Variants in AXIN1 observed in about 807,000 individuals in gnomAD.
AXIN1 encodes axin 1, also known as axin-1.
In AXIN1, 30 loss-of-function variants were observed where a neutral mutation model predicts 76.4. The ratio of observed to expected loss-of-function variants is 0.39; its 90% CI spans 0.29 to 0.53. The LOEUF (loss-of-function observed/expected upper bound fraction) is 0.53. Ranked by LOEUF, AXIN1 falls within the 20% of genes least tolerant of loss-of-function variation. AXIN1 has a pLI of 0.66. For synonymous variants in AXIN1, 545 were observed against 501.4 expected (o/e 1.09, Z -1.16); for missense variants, 1,140 against 1,198.8 (o/e 0.95, Z 0.72).
In AXIN1 at chr16:351,132, C is replaced by CAAAAAAAAA. The variant is rs71391129; in HGVS notation, c.-82+1228_-82+1236dup. ...GGGCAACAAGAGCAAAACTCTGTCT[C>CAAAAAAAAA]AAAAAAAAAAAAAAACTGAAACCGA... is the stretch of plus-strand genomic sequence containing the variant. On this transcript the variant is annotated intron_variant, in intron 1 of 10. Coordinates refer to ENST00000262320, the MANE Select transcript of AXIN1 (RefSeq NM_003502.4). Among the ~76,000 whole-genome samples, 23 of 111,540 alleles carry CAAAAAAAAA rather than the reference C, an allele frequency of 2.1e-4. 1 individual carries two copies. Among genetic ancestry groups the CAAAAAAAAA allele is most frequent in the Admixed American group, 3.8e-4 (4 of 10,554 alleles). The allele number at this position is 111,540 out of a possible 152,430, so 73.2% of individuals were successfully genotyped here.
rs1006625651 is a variant in AXIN1, at chr16:318,841, T to C, written c.879-4158A>G. Among the ~76,000 whole-genome samples, 11 of 152,148 alleles carry C rather than the reference T, an allele frequency of 7.2e-5. No individual in the cohort carries two copies. In the East Asian group the frequency reaches 1.2e-3, roughly 16 times the overall value. On this transcript the variant is annotated intron_variant, in intron 2 of 10. Transcript: ENST00000262320. ...GACCCCTGGCTGTGTGCGGTGAGAA[T>C]GCGGCTGGGGCCTTGGTGAGAGCGG...
chr16:294,484 A>AG (rs2052654238), intron 7 of AXIN1, among the ~76,000 whole-genome samples: 1 of 131,068 alleles, frequency 7.6e-6, no homozygotes, highest in Admixed American at 7.7e-5. Context: ...AAAAAAAAAA[A>AG]TGGCCAGGCG....
chr16:310,250 T>C (rs1304494652), intron 3 of AXIN1, among the ~76,000 whole-genome samples, 181 bp from the exon 4 acceptor site: 1 of 152,126 alleles, frequency 6.6e-6, no homozygotes, highest in African/African-American at 2.4e-5. Context: ...CAGGGGAACA[T>C]GTACACACAA....
At chr16:289,230 T>C (rs982407876) in intron 10 of AXIN1, among the ~76,000 whole-genome samples, 2 of 152,016 alleles carry the variant, frequency 1.3e-5, no homozygotes, top group African/African-American at 4.8e-5. Flanking sequence ...ACCTGGCTAA[T>C]TTCTTTAGTA....
intron 1 of AXIN1, among the ~76,000 whole-genome samples, chr16:351,100 C>A (rs1182563607): frequency 6.9e-6 from 1 of 144,562 alleles, no homozygotes; most frequent in Non-Finnish European, 1.5e-5. Flanking sequence ...CCATTGGACT[C>A]CAGCCTGGGC....
In AXIN1 at chr16:287,986, C is replaced by T. The variant is rs183441653; in HGVS notation, c.*136G>A. 6.1e-5 allele frequency: 89 copies of T among 1,467,496 alleles called. No homozygotes were observed. The highest frequency in any genetic ancestry group is 5.7e-4 in the African/African-American group (41 of 72,248). The allele number at this position is 1,467,496 out of a possible 1,614,324, so 90.9% of individuals were successfully genotyped here. On this transcript the variant is annotated 3_prime_UTR_variant, in exon 11 of 11. Transcript: ENST00000262320. ...GGGACCCCCTACCTGCCTCTAGACACGGGTAGACCACAGGGATGGGTGGTA... is the reference window on the plus strand; with the variant it reads ...GGGACCCCCTACCTGCCTCTAGACATGGGTAGACCACAGGGATGGGTGGTA...
Position 352,356 on chromosome 16 carries a change from C to G in AXIN1, c.-82+13G>C. The G allele has an allele frequency of 1.0e-6, 1 of 980,658 alleles. No individual in the cohort carries two copies. Among genetic ancestry groups the G allele is most frequent in the Non-Finnish European group, 1.2e-6 (1 of 827,926 alleles). The allele number at this position is 980,658 out of a possible 1,614,324, so 60.7% of individuals were successfully genotyped here. A position where few individuals can be genotyped will look rare whatever the true frequency, so the allele number is the denominator to read the frequency against. ...CCGCGGCCTAGCCCGCCCCGGAGCCCGGCCCTACTCACCCGCGCGCGGTGG... is the reference window on the plus strand; with the variant it reads ...CCGCGGCCTAGCCCGCCCCGGAGCCGGGCCCTACTCACCCGCGCGCGGTGG... On this transcript the variant is annotated intron_variant, in intron 1 of 10. Coordinates refer to ENST00000262320, the MANE Select transcript of AXIN1 (RefSeq NM_003502.4).
intron 2 of AXIN1, among the ~76,000 whole-genome samples, chr16:331,188 T>C (rs964200486): frequency 3.3e-5 from 5 of 152,156 alleles, no homozygotes; most frequent in African/African-American, 1.2e-4. Flanking sequence ...CACGTCTTAT[T>C]AAAAATTAAA....
intron 2 of AXIN1, among the ~76,000 whole-genome samples, chr16:320,874 G>A (rs1219200558): frequency 6.9e-6 from 1 of 145,686 alleles, no homozygotes; most frequent in Non-Finnish European, 1.5e-5. Context: ...CGAGTAGCTG[G>A]GACTCCAGGC....
rs902592063 is a variant in AXIN1 at position 314,819 on chromosome 16, G to T, written c.879-136C>A. 13 of 1,324,712 alleles carry T rather than the reference G, an allele frequency of 9.8e-6. No individual in the cohort carries two copies. The South Asian group carries it at 1.7e-4, about 17-fold the overall frequency. The allele number at this position is 1,324,712 out of a possible 1,614,324, so 82.1% of individuals were successfully genotyped here. ...CAATTTGGAGAAAATAAGGAGCATG[G>T]AGAAAAGACCAACATCTCCACCTGT... On this transcript the variant is annotated intron_variant, in intron 2 of 10. Transcript: ENST00000262320.
rs553562225 is a variant in AXIN1, at chr16:293,740, T to C, written c.1956-22A>G. On this transcript the variant is annotated intron_variant, in intron 7 of 10. Transcript: ENST00000262320. The surrounding 1 kb of genome is among the most constrained non-coding windows in gnomAD (Gnocchi z 4.6). ...AGACCTTGGGGAACAAGAGAACAAGTTGTGACTGTGGCCGACACCCTGGCC... is the reference window on the plus strand; with the variant it reads ...AGACCTTGGGGAACAAGAGAACAAGCTGTGACTGTGGCCGACACCCTGGCC... 3.1e-6 allele frequency: 5 copies of C among 1,610,718 alleles called. No homozygotes were observed. Among genetic ancestry groups the C allele is most frequent in the Non-Finnish European group, 2.5e-6 (3 of 1,178,284 alleles).
intron 2 of AXIN1, among the ~76,000 whole-genome samples, chr16:340,951 G>GGACCGCAGCAGCCC (rs1352445405): frequency 3.3e-5 from 5 of 152,368 alleles, no homozygotes; most frequent in African/African-American, 1.2e-4. Context: ...TGGCCGTGCT[G>GGACCGCAGCAGCCC]GACCGCAGCA....
Position 321,337 on chromosome 16 carries a change from C to T in AXIN1, c.879-6654G>A, listed in dbSNP as rs768159696. ...ACATGGCACCTGCTGGTGACAACCA[C>T]TATGGGGAAACAGCAAACAGCAGCC... On this transcript the variant is annotated intron_variant, in intron 2 of 10. Coordinates refer to ENST00000262320, the MANE Select transcript of AXIN1 (RefSeq NM_003502.4). Among the ~76,000 whole-genome samples the T allele has an allele frequency of 1.2e-4, 17 of 147,752 alleles. No individual in the cohort carries two copies. The Middle Eastern group carries it at 0.01, about 91-fold the overall frequency.
At chr16:306,455 G>A (rs1189611780) in intron 4 of AXIN1, among the ~76,000 whole-genome samples, 1 of 152,250 alleles carries the variant, frequency 6.6e-6, no homozygotes. Context: ...CAGGGTGGCA[G>A]ATGGGAGGTG....
At chr16:302,143 G>A (rs2052889926) in intron 5 of AXIN1, among the ~76,000 whole-genome samples, 1 of 152,242 alleles carries the variant, frequency 6.6e-6, no homozygotes, top group Non-Finnish European at 1.5e-5. Flanking sequence ...TCTGCAAGGC[G>A]AGGCCTCACT....
intron 10 of AXIN1, among the ~76,000 whole-genome samples, chr16:288,825 G>A (rs897804470): frequency 6.6e-6 from 1 of 152,234 alleles, no homozygotes; most frequent in African/African-American, 2.4e-5. Flanking sequence ...TTTCAGTCAG[G>A]CAAAAGCACA....
At chr16:310,613 A>G (rs961928196) in intron 3 of AXIN1, among the ~76,000 whole-genome samples, 2 of 152,076 alleles carry the variant, frequency 1.3e-5, no homozygotes, top group Admixed American at 6.5e-5. Context: ...TAGCCAGGAG[A>G]GTCTCGATCT....
rs1035877798 is a variant in AXIN1 at position 352,350 on chromosome 16, G to A, written c.-82+19C>T. The A allele has an allele frequency of 5.1e-6, 5 of 979,678 alleles. No individual in the cohort carries two copies. Among genetic ancestry groups the A allele is most frequent in the East Asian group, 2.3e-4 (2 of 8,672 alleles). 60.7% of individuals were successfully genotyped at this position (979,678 alleles called of 1,614,324 possible). A position where few individuals can be genotyped will look rare whatever the true frequency, so the allele number is the denominator to read the frequency against. ...GGCCTACCGCGGCCTAGCCCGCCCC[G>A]GAGCCCGGCCCTACTCACCCGCGCG... On this transcript the variant is annotated intron_variant, in intron 1 of 10. Transcript: ENST00000262320.
intron 2 of AXIN1, among the ~76,000 whole-genome samples, chr16:342,337 C>T (rs973591468): frequency 2.6e-5 from 4 of 152,124 alleles, no homozygotes; most frequent in African/African-American, 4.8e-5. Flanking sequence ...GGCAAGGGTC[C>T]GCGGCTTCAT....
Sources: allele counts gnomAD v4.1 joint callset (sites outside exome capture counted in the v4.1 genomes callset), GRCh38; gene constraint gnomAD v4.1.1; non-coding constraint Gnocchi (gnomAD v3.1); transcripts MANE v1.5; gene names NCBI Gene and HGNC (gene_info 2026-07-23, HGNC 2026-07-21).